NTRK3: variants seen among roughly 807,000 people sequenced by gnomAD.
NTRK3 encodes NT-3 growth factor receptor.
NTRK3 carries 24 observed loss-of-function variants against 91.7 expected under a neutral mutation model. The observed-to-expected ratio is 0.26, with a 90% CI of 0.19 to 0.37. The LOEUF is 0.37. NTRK3 is among the 10% of genes least tolerant of loss of function. The probability of loss-of-function intolerance (pLI) is 1.00; values close to 1 mark genes in which losing one functional copy is unlikely to be tolerated. For synonymous variants in NTRK3, 483 were observed against 404.0 expected, an observed-to-expected ratio of 1.20 and a Z score of -2.34; for missense variants, 880 against 1,068.9, an observed-to-expected ratio of 0.82 and a Z score of 2.46.
At chr15:88,253,710 G>A (rs949589443) in intron 3 of NTRK3, among the ~76,000 whole-genome samples, 1 of 152,142 alleles carries the variant, frequency 6.6e-6, no homozygotes, top group Non-Finnish European at 1.5e-5. Context: ...TTTAGAGAAA[G>A]GAGTCCTGAT....
exon 10 of NTRK3, chr15:88,135,147 T>C: frequency 6.2e-7 from 1 of 1,614,264 alleles, no homozygotes; most frequent in Non-Finnish European, 8.5e-7. Flanking sequence ...TCTGGTTGGC[T>C]GTGCCCAGTG....
intron 13 of NTRK3, among the ~76,000 whole-genome samples, chr15:88,075,102 G>T (rs932015467): frequency 6.6e-6 from 1 of 152,102 alleles, no homozygotes; most frequent in African/African-American, 2.4e-5. Context: ...ACTCCTTCTA[G>T]AATTAGTGTT....
intron 14 of NTRK3, among the ~76,000 whole-genome samples, chr15:87,998,099 A>C (rs964287440): frequency 6.6e-6 from 1 of 152,336 alleles, no homozygotes; most frequent in Non-Finnish European, 1.5e-5. Flanking sequence ...GATATTTAGC[A>C]GTATCCCTGG....
intron 5 of NTRK3, among the ~76,000 whole-genome samples, chr15:88,174,728 T>C (rs1397866515): frequency 6.6e-6 from 1 of 151,968 alleles, no homozygotes; most frequent in Non-Finnish European, 1.5e-5. Flanking sequence ...CCAAGCCCAC[T>C]CTCCTCCAAA....
chr15:87,961,346 A>G (rs1436104246), intron 14 of NTRK3, among the ~76,000 whole-genome samples: 1 of 152,266 alleles, frequency 6.6e-6, no homozygotes, highest in African/African-American at 2.4e-5. Flanking sequence ...TCATTAAAAG[A>G]AGAACATATG....
intron 14 of NTRK3, among the ~76,000 whole-genome samples, chr15:87,963,996 G>T (rs1296914839): frequency 6.6e-6 from 1 of 152,148 alleles, no homozygotes; most frequent in African/African-American, 2.4e-5. Context: ...CAATATAACA[G>T]GATAGTATGG....
intron 3 of NTRK3, among the ~76,000 whole-genome samples, chr15:88,238,228 T>C (rs1172989432): frequency 6.6e-6 from 1 of 152,192 alleles, no homozygotes; most frequent in East Asian, 1.9e-4. Context: ...AGCCACCCAG[T>C]CTGTGAGACC....
chr15:88,002,896 G>C (rs1462870646), intron 14 of NTRK3, among the ~76,000 whole-genome samples: 1 of 152,026 alleles, frequency 6.6e-6, no homozygotes, highest in Non-Finnish European at 1.5e-5. Context: ...CCTGGGGAGT[G>C]GGGACCTTTG....
chr15:87,968,973 C>T (rs1383307530), intron 14 of NTRK3, among the ~76,000 whole-genome samples: 1 of 152,122 alleles, frequency 6.6e-6, no homozygotes, highest in Non-Finnish European at 1.5e-5. Context: ...TTTATTTAAC[C>T]TTTTAACATT....
intron 13 of NTRK3, among the ~76,000 whole-genome samples, chr15:88,078,883 G>C (rs956338473): frequency 6.6e-6 from 1 of 152,228 alleles, no homozygotes; most frequent in African/African-American, 2.4e-5. Context: ...GAGCACGGGG[G>C]AAAGTGGCAG....
chr15:87,973,276 G>A lies in NTRK3; in HGVS notation c.1586-32523C>T, dbSNP rs542438022. On this transcript the variant is annotated intron_variant, in intron 14 of 18. Coordinates refer to ENST00000394480, the Ensembl canonical transcript of NTRK3. ...TTCCCTTATCAAGATTTAATTTCAA[G>A]GGAAACTGGGGTCACTCTATGCAAG... is the stretch of plus-strand genomic sequence containing the variant. Among the ~76,000 whole-genome samples, 5 of 152,290 alleles carry A rather than the reference G, an allele frequency of 3.3e-5. No individual in the cohort carries two copies. In the South Asian group the frequency reaches 1.0e-3, roughly 32 times the overall value.
intron 3 of NTRK3, among the ~76,000 whole-genome samples, chr15:88,213,692 G>A (rs893293456): frequency 6.6e-6 from 1 of 152,142 alleles, no homozygotes; most frequent in African/African-American, 2.4e-5. Context: ...AGTCCTGCGA[G>A]GTAAATGCTA....
At chr15:88,034,967 C>T (rs2078940323) in intron 13 of NTRK3, among the ~76,000 whole-genome samples, 1 of 152,142 alleles carries the variant, frequency 6.6e-6, no homozygotes, top group South Asian at 2.1e-4. Flanking sequence ...ATCCTCTTTC[C>T]CTCCTCAAAC....
intron 13 of NTRK3, among the ~76,000 whole-genome samples, chr15:88,101,429 C>G (rs1339268186): frequency 6.6e-6 from 1 of 152,186 alleles, no homozygotes; most frequent in Non-Finnish European, 1.5e-5. Context: ...GGACTGTAAA[C>G]TAGTTCAACC....
intron 5 of NTRK3, among the ~76,000 whole-genome samples, chr15:88,152,790 C>T (rs938577347): frequency 6.6e-6 from 1 of 152,238 alleles, no homozygotes; most frequent in Non-Finnish European, 1.5e-5. Context: ...TGCTTGGTGG[C>T]TCCAGGGAAC....
chr15:87,910,899 C>T (rs909417309), intron 17 of NTRK3, among the ~76,000 whole-genome samples: 4 of 151,978 alleles, frequency 2.6e-5, no homozygotes, highest in South Asian at 4.2e-4. Flanking sequence ...TAAATTTGGT[C>T]GTGAGAGATA....
At chr15:87,893,256 C>T (rs2065939260) in intron 17 of NTRK3, among the ~76,000 whole-genome samples, 2 of 152,158 alleles carry the variant, frequency 1.3e-5, no homozygotes, top group Admixed American at 1.3e-4. Flanking sequence ...GGAGCAAGAG[C>T]AGCAGTTCCA....
chr15:87,947,052 T>C (rs1324994947), intron 14 of NTRK3, among the ~76,000 whole-genome samples: 1 of 152,006 alleles, frequency 6.6e-6, no homozygotes, highest in Non-Finnish European at 1.5e-5. Context: ...TGAATTTTTG[T>C]ACTTTTAGTA....
chr15:88,189,471 T>A (rs1469015813), intron 3 of NTRK3, among the ~76,000 whole-genome samples: 3 of 151,932 alleles, frequency 2.0e-5, no homozygotes, highest in Non-Finnish European at 4.4e-5. Context: ...CCACCCAGGC[T>A]GGAGTGCAAT....
Sources: allele counts gnomAD v4.1 joint callset (sites outside exome capture counted in the v4.1 genomes callset), GRCh38; gene constraint gnomAD v4.1.1; transcripts MANE v1.5; gene names NCBI Gene and HGNC (gene_info 2026-07-23, HGNC 2026-07-21).